COL9A1: variants seen among roughly 807,000 people sequenced by gnomAD.
COL9A1 encodes the protein collagen type IX alpha 1 chain, also known as collagen alpha-1(IX) chain.
In COL9A1, 104 loss-of-function variants were observed where a neutral mutation model predicts 142.6. The observed-to-expected ratio is 0.73, with a 90% CI of 0.62 to 0.86. The LOEUF is 0.86. Among genes scored for constraint, COL9A1 ranks in the 40% least tolerant of loss-of-function variants. The pLI is 0.00. For missense variants in COL9A1, 1,210 were observed against 1,176.6 expected, an observed-to-expected ratio of 1.03 and a Z score of -0.42; for synonymous variants, 466 against 396.0, an observed-to-expected ratio of 1.18 and a Z score of -2.10.
chr6:70,301,877 T>C (rs1277425399), intron 2 of COL9A1, 124 bp downstream of exon 2: 1 of 785,084 alleles, frequency 1.3e-6, no homozygotes, highest in Non-Finnish European at 2.2e-6. Flanking sequence ...GCCCCAAAGC[T>C]GGATTGAAGA....
intron 14 of COL9A1, among the ~76,000 whole-genome samples, chr6:70,270,908 T>A (rs1473250503): frequency 6.6e-6 from 1 of 152,206 alleles, no homozygotes; most frequent in Non-Finnish European, 1.5e-5. Context: ...AAGTAAACCG[T>A]TCAGATGAAA....
rs1487548348 is a variant in COL9A1, at chr6:70,263,340, T to G, written c.1342-43A>C. The G allele has an allele frequency of 3.9e-6, 6 of 1,555,988 alleles. No individual in the cohort carries two copies. In the South Asian group the frequency reaches 7.0e-5, roughly 18 times the overall value. On this transcript the variant is annotated intron_variant, in intron 18 of 37. Transcript: ENST00000357250. ...AAAAGAAAAGCACACCAAATGTTAT[T>G]CTAGCAAACGAACATAGAAATAGGC...
intron 18 of COL9A1, among the ~76,000 whole-genome samples, 158 bp from the exon 19 acceptor site, chr6:70,263,455 T>C (rs1366269239): frequency 6.6e-6 from 1 of 152,076 alleles, no homozygotes; most frequent in Admixed American, 6.5e-5. Context: ...TCCAAATTAA[T>C]TGTAGAACAT....
At position 70,252,395 on chromosome 6, in the gene COL9A1, C is replaced by A. The variant is rs559495990; in HGVS notation, c.1765-80G>T. On this transcript the variant is annotated intron_variant, in intron 26 of 37. Coordinates refer to ENST00000357250, the MANE Select transcript of COL9A1 (RefSeq NM_001851.6). ...CAATCTGCCTTACCCAGACTGGGATCTCTTACATTTGAATAGCATTAATTC... is the reference window on the plus strand; with the variant it reads ...CAATCTGCCTTACCCAGACTGGGATATCTTACATTTGAATAGCATTAATTC... 69 of 1,265,670 alleles carry A rather than the reference C, an allele frequency of 5.5e-5. No individual in the cohort carries two copies. In the African/African-American group the frequency reaches 8.4e-4, roughly 15 times the overall value. 78.4% of individuals were successfully genotyped at this position (1,265,670 alleles called of 1,614,324 possible). A position where few individuals can be genotyped will look rare whatever the true frequency, so the allele number is the denominator to read the frequency against.
rs1369300937 is a variant in COL9A1, at chr6:70,242,688, C to T, written c.1900G>A (p.Gly634Arg). The change falls in exon 29 of 38, where the codon GGA becomes AGA. Residue 634 changes from glycine to arginine, a missense_variant. Coordinates refer to ENST00000357250, the MANE Select transcript of COL9A1 (RefSeq NM_001851.6). ...PGSRGELGPV[G>R]SPGLPGKLGS... ...AGTTTACCTGGTAGGCCTGGGGATC[C>T]CACTGGTCCTAATTCTCCTCTACTG... is the stretch of plus-strand genomic sequence containing the variant. 3 of 1,614,094 alleles carry T rather than the reference C, an allele frequency of 1.9e-6. No individual in the cohort carries two copies. The highest frequency in any genetic ancestry group is 1.1e-5 in the South Asian group (1 of 91,078).
At chr6:70,234,474 A>G in intron 35 of COL9A1, 65 bp downstream of exon 35, 1 of 1,540,792 alleles carries the variant, frequency 6.5e-7, no homozygotes, top group Non-Finnish European at 9.0e-7. Context: ...GTGTATCTAC[A>G]AGAATAAAAT....
chr6:70,263,923 T>TTTC (rs1583288419), intron 18 of COL9A1, among the ~76,000 whole-genome samples: 1 of 152,002 alleles, frequency 6.6e-6, no homozygotes, highest in East Asian at 1.9e-4. Context: ...AAATCTGTAA[T>TTTC]TACCCGTAAT....
rs554286407 is a variant in COL9A1 at position 70,278,000 on chromosome 6, T to C, written c.975+2812A>G. On this transcript the variant is annotated intron_variant, in intron 10 of 37. Coordinates refer to ENST00000357250, the MANE Select transcript of COL9A1 (RefSeq NM_001851.6). Reference sequence around the variant, plus strand: ...TACTGCATTTCATTATTCTCAAAGATATCCATTCTCAATTTAGAATAAAAG... The same window carrying C: ...TACTGCATTTCATTATTCTCAAAGACATCCATTCTCAATTTAGAATAAAAG... Among the ~76,000 whole-genome samples, 216 of 152,332 alleles carry C rather than the reference T, an allele frequency of 1.4e-3. 2 individuals are homozygous for C. Among genetic ancestry groups the C allele is most frequent in the African/African-American group, 5.1e-3 (210 of 41,566 alleles).
intron 7 of COL9A1, 102 bp from the exon 8 acceptor site, chr6:70,281,566 C>T: frequency 1.1e-6 from 1 of 873,620 alleles, no homozygotes; most frequent in South Asian, 1.8e-5. Context: ...TAAAAGTTAC[C>T]TTCCAGAGGA....
chr6:70,290,600 CA>C (rs1773621456), intron 5 of COL9A1, among the ~76,000 whole-genome samples: 1 of 149,818 alleles, frequency 6.7e-6, no homozygotes, highest in Non-Finnish European at 1.5e-5. Context: ...ATAGGATAGG[CA>C]GGGGGAAAAT....
intron 12 of COL9A1, among the ~76,000 whole-genome samples, chr6:70,272,299 T>A (rs1031576358): frequency 8.6e-5 from 13 of 151,128 alleles, no homozygotes; most frequent in African/African-American, 3.2e-4. Context: ...TCCTTTGCTG[T>A]CTATGCTAAC....
chr6:70,276,892 T>G (rs1772798288), intron 10 of COL9A1, among the ~76,000 whole-genome samples: 1 of 152,308 alleles, frequency 6.6e-6, no homozygotes, highest in Non-Finnish European at 1.5e-5. Flanking sequence ...TGTTCCTCAT[T>G]GAGAAAAGGT....
rs565839953 is a variant in COL9A1, at chr6:70,287,999, T to A, written c.697-4179A>T. On this transcript the variant is annotated intron_variant, in intron 5 of 37. Coordinates refer to ENST00000357250, the MANE Select transcript of COL9A1 (RefSeq NM_001851.6). ...ATTTCCTGACTTTAAATACCATATG[T>A]ATGTTGACAATTCCCAGAGTTCTAT... Among the ~76,000 whole-genome samples the A allele has an allele frequency of 2.0e-5, 3 of 152,312 alleles. No individual in the cohort carries two copies. In the South Asian group the frequency reaches 6.2e-4, roughly 32 times the overall value.
chr6:70,288,134 C>T (rs1773523763), intron 5 of COL9A1, among the ~76,000 whole-genome samples: 1 of 152,162 alleles, frequency 6.6e-6, no homozygotes, highest in Non-Finnish European at 1.5e-5. Context: ...AAACTAACTC[C>T]TGATACTCTC....
chr6:70,294,747 T>C (rs961034782), intron 4 of COL9A1, among the ~76,000 whole-genome samples, 184 bp from the exon 5 acceptor site: 3 of 152,226 alleles, frequency 2.0e-5, no homozygotes, highest in African/African-American at 7.2e-5. Context: ...CAATCATTCC[T>C]GTACATTCAT....
chr6:70,260,783 T>G (rs1010815680), intron 19 of COL9A1, 73 bp from the exon 20 acceptor site: 2 of 1,430,398 alleles, frequency 1.4e-6, no homozygotes, highest in African/African-American at 2.8e-5. Flanking sequence ...TCACAAAAGC[T>G]GATCTAGACA....
chr6:70,230,328 G>A (rs1354309892), intron 36 of COL9A1, among the ~76,000 whole-genome samples: 1 of 152,004 alleles, frequency 6.6e-6, no homozygotes, highest in African/African-American at 2.4e-5. Context: ...TTTAATTACC[G>A]CTCCCTACCT....
At chr6:70,286,094 G>C (rs1583336219) in intron 5 of COL9A1, among the ~76,000 whole-genome samples, 1 of 152,040 alleles carries the variant, frequency 6.6e-6, no homozygotes, top group East Asian at 1.9e-4. Context: ...TCACCATGTT[G>C]GCCAGGATGG....
rs765210335 is a variant in COL9A1 at position 70,294,205 on chromosome 6, G to A, written c.658C>T (p.Leu220=). The A allele has an allele frequency of 5.0e-6, 8 of 1,613,912 alleles. No individual in the cohort carries two copies. Among genetic ancestry groups the A allele is most frequent in the Non-Finnish European group, 6.8e-6 (8 of 1,179,954 alleles). ...TGAGGATTATCTGCAAGTTTTCCCAGCACAGCAAAGCCATCAATGTCAATT... is the reference window on the plus strand; with the variant it reads ...TGAGGATTATCTGCAAGTTTTCCCAACACAGCAAAGCCATCAATGTCAATT... ...GPIDIDGFAV[L]GKLADNPQVS... The change falls in exon 5 of 38, where the codon CTG becomes TTG. Residue 220 remains leucine, a synonymous_variant. Coordinates refer to ENST00000357250, the MANE Select transcript of COL9A1 (RefSeq NM_001851.6).
Sources: gnomAD v4.1 joint callset for allele counts (sites outside exome capture counted in the v4.1 genomes callset) on GRCh38, gnomAD v4.1.1 for gene constraint, MANE v1.5 for transcripts, NCBI Gene and HGNC (gene_info 2026-07-23, HGNC 2026-07-21) for gene names.